Variants in CACNB2 observed in about 807,000 individuals in gnomAD.
CACNB2 encodes the protein voltage-dependent L-type calcium channel subunit beta-2.
In CACNB2, 42 loss-of-function variants were observed where a neutral mutation model predicts 73.3. That is an observed-to-expected ratio of 0.57 (90% CI 0.45 to 0.74). The LOEUF is 0.74. CACNB2 is among the 30% of genes least tolerant of loss of function. CACNB2 has a pLI of 0.00. For synonymous variants in CACNB2, 348 were observed against 310.3 expected (o/e 1.12, Z -1.28); for missense variants, 940 against 853.0 (o/e 1.10, Z -1.27).
chr10:18,257,214 C>T (rs934536148), intron 2 of CACNB2: 15 of 152,182 alleles, frequency 9.9e-5, no homozygotes, highest in African/African-American at 3.6e-4. Flanking sequence ...TGGCACATAC[C>T]ATTTCTACAT....
At chr10:18,398,077 C>T (rs559604977) in intron 2 of CACNB2, among the ~76,000 whole-genome samples, 99 of 152,230 alleles carry the variant, frequency 6.5e-4, no homozygotes, top group African/African-American at 1.9e-3. Context: ...TGGAAACGAC[C>T]GCCAGCTGTT....
Position 18,538,348 on chromosome 10 carries a change from C to T in CACNB2, c.1471C>T (p.Leu491=), listed in dbSNP as rs771856157. The change falls in exon 13 of 14, where the codon CTA becomes TTA. Residue 491 remains leucine (L), a synonymous_variant. Transcript: ENST00000324631. The part of the protein sequence containing the change: ...ATSSLPLSPT[L]ASNSQGSQGD... ...TTCAAGTCTGCCTCTTAGCCCCACC[C>T]TAGCCTCTAATTCACAGGTAAGGGG... 6.2e-7 allele frequency: 1 copy of T among 1,612,638 alleles called. No individual in the cohort carries two copies. The highest frequency in any genetic ancestry group is 1.3e-5 in the African/African-American group (1 of 74,890).
intron 2 of CACNB2, among the ~76,000 whole-genome samples, chr10:18,320,966 T>A (rs1165830250): frequency 6.6e-6 from 1 of 152,218 alleles, no homozygotes; most frequent in Non-Finnish European, 1.5e-5. Flanking sequence ...GAACTACTGA[T>A]GATAACATGC....
intron 2 of CACNB2, among the ~76,000 whole-genome samples, chr10:18,284,406 T>C (rs2038696965): frequency 6.6e-6 from 1 of 152,254 alleles, no homozygotes; most frequent in South Asian, 2.1e-4. Flanking sequence ...AGCTAAATCA[T>C]ATCACGTAGT....
Position 18,300,183 on chromosome 10 carries a change from G to A in CACNB2, c.214-101741G>A, listed in dbSNP as rs2039452104. Among the ~76,000 whole-genome samples, 5 of 152,156 alleles carry A rather than the reference G, an allele frequency of 3.3e-5. No individual in the cohort carries two copies. In the South Asian group the frequency reaches 1.0e-3, roughly 32 times the overall value. Reference sequence around the variant, plus strand: ...ATTATAGGCGTGCATCACCATGCCTGGCTAATTTTTGTATTTTTAGTAGAG... The same window carrying A: ...ATTATAGGCGTGCATCACCATGCCTAGCTAATTTTTGTATTTTTAGTAGAG... On this transcript the variant is annotated intron_variant, in intron 2 of 13. Transcript: ENST00000324631.
At position 18,333,980 on chromosome 10, in the gene CACNB2, G is replaced by T. The variant is rs151197595; in HGVS notation, c.214-67944G>T. Among the ~76,000 whole-genome samples, 1,013 of 152,236 alleles carry T rather than the reference G, an allele frequency of 6.7e-3. 12 individuals carry two copies. The highest frequency in any genetic ancestry group is 0.023 in the African/African-American group (968 of 41,538). On this transcript the variant is annotated intron_variant, in intron 2 of 13. Coordinates refer to ENST00000324631, the MANE Select transcript of CACNB2 (RefSeq NM_201596.3). Reference sequence around the variant, plus strand: ...GTTTAAAACAACAAATGAGAAAGTTGTCCCGATTGAAAGTTCAGAATTCCT... The same window carrying T: ...GTTTAAAACAACAAATGAGAAAGTTTTCCCGATTGAAAGTTCAGAATTCCT...
chr10:18,168,691 G>C (rs2033035461), intron 2 of CACNB2, among the ~76,000 whole-genome samples: 1 of 152,050 alleles, frequency 6.6e-6, no homozygotes, highest in Non-Finnish European at 1.5e-5. Flanking sequence ...CAAGCTCTAG[G>C]CTCTTTTTAT....
At chr10:18,348,225 G>A (rs886970666) in intron 2 of CACNB2, among the ~76,000 whole-genome samples, 26 of 152,244 alleles carry the variant, frequency 1.7e-4, no homozygotes, top group Middle Eastern at 3.4e-3. Flanking sequence ...CTGCATTGTA[G>A]ACATAAATAT....
At chr10:18,252,789 G>A (rs1043854011) in intron 2 of CACNB2, among the ~76,000 whole-genome samples, 1 of 152,134 alleles carries the variant, frequency 6.6e-6, no homozygotes, top group Admixed American at 6.5e-5. Flanking sequence ...GAAAGCGCAA[G>A]GAAAAAGTAT....
chr10:18,446,048 G>A (rs752877908), intron 3 of CACNB2, among the ~76,000 whole-genome samples: 75 of 152,200 alleles, frequency 4.9e-4, no homozygotes, highest in Admixed American at 1.8e-3. Context: ...AAAAGAAGTG[G>A]TGGGATTGTA....
intron 9 of CACNB2, 116 bp downstream of exon 9, chr10:18,519,084 G>A (rs894722807): frequency 9.5e-6 from 8 of 844,146 alleles, no homozygotes; most frequent in Admixed American, 1.8e-5. Context: ...TATGATGACA[G>A]GAAACAAGTT....
chr10:18,480,675 C>T (rs1212467575), intron 3 of CACNB2, among the ~76,000 whole-genome samples: 2 of 152,178 alleles, frequency 1.3e-5, no homozygotes, highest in East Asian at 3.8e-4. Context: ...GAATCCAGAA[C>T]TTTTATGTTT....
chr10:18,447,546 A>C (rs1368889165), intron 3 of CACNB2, among the ~76,000 whole-genome samples: 1 of 152,176 alleles, frequency 6.6e-6, no homozygotes, highest in Non-Finnish European at 1.5e-5. Context: ...GCAAACTAGA[A>C]TAGGACTTTG....
chr10:18,468,170 A>C (rs1232282683), intron 3 of CACNB2, among the ~76,000 whole-genome samples: 1 of 152,148 alleles, frequency 6.6e-6, no homozygotes, highest in East Asian at 1.9e-4. Context: ...GAAAAACTTA[A>C]ATATACAGGC....
chr10:18,467,502 A>G lies in CACNB2; in HGVS notation c.334-30853A>G, dbSNP rs183599961. ...TTTGGTGAATTTACAGTCTAGTAAG[A>G]CTAGACCTACGTAAAAGATACAGAG... is the stretch of plus-strand genomic sequence containing the variant. On this transcript the variant is annotated intron_variant, in intron 3 of 13. Transcript: ENST00000324631. Among the ~76,000 whole-genome samples, 22 of 152,346 alleles carry G rather than the reference A, an allele frequency of 1.4e-4. No homozygotes were observed. In the East Asian group the frequency reaches 3.5e-3, roughly 24 times the overall value.
chr10:18,223,675 A>G (rs571385332), intron 2 of CACNB2, among the ~76,000 whole-genome samples: 1 of 152,158 alleles, frequency 6.6e-6, no homozygotes, highest in Non-Finnish European at 1.5e-5. Flanking sequence ...AAAACATTTA[A>G]AAGTACTACA....
chr10:18,497,285 A>G (rs576163948), intron 3 of CACNB2, among the ~76,000 whole-genome samples: 62 of 152,168 alleles, frequency 4.1e-4, no homozygotes, highest in African/African-American at 1.4e-3. Flanking sequence ...CCATAATGGG[A>G]AAGAAATACA....
intron 2 of CACNB2, among the ~76,000 whole-genome samples, chr10:18,327,008 C>T (rs1337663299): frequency 2.6e-5 from 4 of 151,864 alleles, no homozygotes; most frequent in South Asian, 2.1e-4. Context: ...GGATTACAGG[C>T]GTGAGTCACT....
At position 18,180,200 on chromosome 10, in the gene CACNB2, A is replaced by G. The variant is rs138024792; in HGVS notation, c.213+29225A>G. Among the ~76,000 whole-genome samples the G allele has an allele frequency of 5.9e-5, 9 of 152,250 alleles. No homozygotes were observed. In the East Asian group the frequency reaches 1.7e-3, roughly 29 times the overall value. ...AGAGGAATGATCTTATATTTTGCCA[A>G]CATAGAACTGTAGCAGGCTGGAGGG... On this transcript the variant is annotated intron_variant, in intron 2 of 13. Transcript: ENST00000324631.
Sources: allele counts gnomAD v4.1 joint callset (sites outside exome capture counted in the v4.1 genomes callset), GRCh38; gene constraint gnomAD v4.1.1; transcripts MANE v1.5; gene names NCBI Gene and HGNC (gene_info 2026-07-23, HGNC 2026-07-21).